Variants in PITPNM2 observed in about 807,000 individuals in gnomAD.
PITPNM2 encodes membrane-associated phosphatidylinositol transfer protein 2.
In PITPNM2, 35 loss-of-function variants were observed where a neutral mutation model predicts 132.2. The ratio of observed to expected loss-of-function variants is 0.26; its 90% CI spans 0.20 to 0.35. The LOEUF (loss-of-function observed/expected upper bound fraction) is 0.35, where lower values mean the gene tolerates loss of function less well. Ranked by LOEUF, PITPNM2 falls within the 10% of genes least tolerant of loss-of-function variation. The pLI is 1.00. For synonymous variants in PITPNM2, 738 were observed against 799.2 expected, an observed-to-expected ratio of 0.92 and a Z score of 1.29; for missense variants, 1,332 against 1,912.0, an observed-to-expected ratio of 0.70 and a Z score of 5.66.
chr12:123,131,701 C>T lies in PITPNM2; in HGVS notation c.-200+19052G>A, dbSNP rs562285134. On this transcript the variant is annotated intron_variant, in intron 1 of 25. Transcript: ENST00000320201. ...CCCTGCCAGCCAGCCACACCTTCCACTGCCCTTCCAGAGCAGCTCCTAGCC... is the reference window on the plus strand; with the variant it reads ...CCCTGCCAGCCAGCCACACCTTCCATTGCCCTTCCAGAGCAGCTCCTAGCC... 2.6e-5 allele frequency among the ~76,000 whole-genome samples: 4 copies of T among 152,348 alleles called. No individual in the cohort carries two copies. In the South Asian group the frequency reaches 8.3e-4, roughly 32 times the overall value.
chr12:123,113,289 G>C (rs2042876470), intron 1 of PITPNM2, among the ~76,000 whole-genome samples: 1 of 152,208 alleles, frequency 6.6e-6, no homozygotes, highest in African/African-American at 2.4e-5. Context: ...ACGTATGGTA[G>C]GTGGAACCAC....
chr12:123,132,496 G>A (rs1210367008), intron 1 of PITPNM2, among the ~76,000 whole-genome samples: 1 of 150,706 alleles, frequency 6.6e-6, no homozygotes, highest in East Asian at 1.9e-4. Context: ...TTTGTTTGTT[G>A]TCATTCTTTT....
chr12:122,998,975 G>T (rs905556857), intron 10 of PITPNM2, among the ~76,000 whole-genome samples: 1 of 152,164 alleles, frequency 6.6e-6, no homozygotes, highest in Non-Finnish European at 1.5e-5. Flanking sequence ...GCCAGGCATG[G>T]TTGTGCACAT....
At position 122,990,612 on chromosome 12, in the gene PITPNM2, A is replaced by G. The variant is rs1251389797; in HGVS notation, c.2502T>C (p.Ser834=). 6.2e-7 allele frequency: 1 copy of G among 1,612,160 alleles called. No homozygotes were observed. The highest frequency in any genetic ancestry group is 1.7e-5 in the Admixed American group (1 of 60,008). ...ACACCTGGCTGGCGATGCTGATCTC[A>G]CTGGCTCGGCGGAAGCCACGACTGG... ...APASRGFRRA[S]EISIASQVSG... The change falls in exon 17 of 26, where the codon AGT becomes AGC. Residue 834 remains serine, a synonymous_variant. Transcript: ENST00000320201.
chr12:123,128,264 C>CAAAAAAAAA (rs1170397011), intron 1 of PITPNM2, among the ~76,000 whole-genome samples: 4 of 22,750 alleles, frequency 1.8e-4, no homozygotes, highest in Admixed American at 5.4e-4. Context: ...CCCATCTCTA[C>CAAAAAAAAA]AAAAAAAAAA....
rs1278729197 is a variant in PITPNM2, at chr12:123,095,428, T to C, written c.-96+14957A>G. ...CACCCACATGTGTACATCTCGATTT[T>C]ACAGGCTCTGTTAAAGCGCAAAGAT... On this transcript the variant is annotated intron_variant, in intron 2 of 25. Coordinates refer to ENST00000320201, the MANE Select transcript of PITPNM2 (RefSeq NM_020845.3). This position sits in a 1 kb window ranked among gnomAD's most constrained non-coding sequence, Gnocchi z 5.0. 6.6e-6 allele frequency among the ~76,000 whole-genome samples: 1 copy of C among 152,200 alleles called. No individual in the cohort carries two copies. The highest frequency in any genetic ancestry group is 3.2e-3 in the Middle Eastern group (1 of 316).
chr12:123,103,551 G>A (rs1489295637), intron 2 of PITPNM2, among the ~76,000 whole-genome samples: 2 of 152,208 alleles, frequency 1.3e-5, no homozygotes, highest in African/African-American at 2.4e-5. Flanking sequence ...GCTGGGCTTG[G>A]CCTCTGTGGG....
At chr12:123,137,231 T>C (rs1406593579) in intron 1 of PITPNM2, among the ~76,000 whole-genome samples, 1 of 152,096 alleles carries the variant, frequency 6.6e-6, no homozygotes, top group Non-Finnish European at 1.5e-5. Flanking sequence ...CCACTATCTG[T>C]TAGGAGTCAG....
chr12:122,986,320 C>A lies in PITPNM2; in HGVS notation c.3757G>T (p.Ala1253Ser). The change falls in exon 26 of 26, where the codon GCG becomes TCG. Residue 1253 changes from alanine to serine, a missense_variant. Transcript: ENST00000320201. ...GCCCGGTGGCTGTACTTCAGCTGCG[C>A]CAGGTGGGCCGCGTAGCCATCCGTG... Reference protein sequence around the residue: ...FITDGYAAHLAQLKYSHRARP... With the variant: ...FITDGYAAHLSQLKYSHRARP... 1 of 1,581,170 alleles carries A rather than the reference C, an allele frequency of 6.3e-7. No homozygotes were observed. The highest frequency in any genetic ancestry group is 8.6e-7 in the Non-Finnish European group (1 of 1,165,668).
Position 123,111,345 on chromosome 12 carries a change from G to A in PITPNM2, c.-199-857C>T, listed in dbSNP as rs938103307. Among the ~76,000 whole-genome samples, 1 of 152,256 alleles carries A rather than the reference G, an allele frequency of 6.6e-6. No homozygotes were observed. The highest frequency in any genetic ancestry group is 1.5e-5 in the Non-Finnish European group (1 of 68,044). On this transcript the variant is annotated intron_variant, in intron 1 of 25. Coordinates refer to ENST00000320201, the MANE Select transcript of PITPNM2 (RefSeq NM_020845.3). The surrounding 1 kb of genome is among the most constrained non-coding windows in gnomAD (Gnocchi z 4.1). Reference sequence around the variant, plus strand: ...TGCTTATCTGCTGGCTATGGAAGCTGGGAGTGTTTCAGGAACTGATGCCCA... The same window carrying A: ...TGCTTATCTGCTGGCTATGGAAGCTAGGAGTGTTTCAGGAACTGATGCCCA...
At chr12:123,049,191 G>A (rs1314003484) in intron 2 of PITPNM2, among the ~76,000 whole-genome samples, 1 of 152,078 alleles carries the variant, frequency 6.6e-6, no homozygotes, top group Non-Finnish European at 1.5e-5. Flanking sequence ...TCTGACAGGA[G>A]CCACAGTGGA....
intron 2 of PITPNM2, among the ~76,000 whole-genome samples, chr12:123,059,100 A>G (rs7952760): frequency 0.043 from 6,508 of 152,292 alleles, 461 homozygotes; most frequent in African/African-American, 0.15. Context: ...GTCAGCATCT[A>G]GGCAGGGAGA....
intron 8 of PITPNM2, among the ~76,000 whole-genome samples, chr12:123,003,293 G>A (rs1202482338): frequency 6.6e-6 from 1 of 152,108 alleles, no homozygotes; most frequent in African/African-American, 2.4e-5. Context: ...CTCCAGTCCT[G>A]GATGGGCTCC....
chr12:122,988,968 A>C (rs1454959832), intron 18 of PITPNM2, 96 bp from the exon 19 acceptor site: 32 of 1,325,036 alleles, frequency 2.4e-5, no homozygotes, highest in Non-Finnish European at 2.8e-5. Context: ...AGCCCAGCAC[A>C]GTCCCCCCAC....
intron 2 of PITPNM2, among the ~76,000 whole-genome samples, chr12:123,068,303 T>TA (rs1271185490): frequency 6.6e-6 from 1 of 151,878 alleles, no homozygotes; most frequent in South Asian, 2.1e-4. Flanking sequence ...CCGTCTCTAC[T>TA]AAAAATACAA....
chr12:123,085,516 G>T (rs2042087450), intron 2 of PITPNM2, among the ~76,000 whole-genome samples: 3 of 152,250 alleles, frequency 2.0e-5, no homozygotes, highest in Non-Finnish European at 4.4e-5. Flanking sequence ...GTGAGGAAAA[G>T]GGTTGGGAGT....
Position 122,995,580 on chromosome 12 carries a change from A to ACCACCG in PITPNM2, c.1857_1862dup (p.Gly621_Gly622dup), listed in dbSNP as rs763426150. The ACCACCG allele has an allele frequency of 6.3e-7, 1 of 1,580,380 alleles. No individual in the cohort carries two copies. The highest frequency in any genetic ancestry group is 8.5e-7 in the Non-Finnish European group (1 of 1,177,550). ...TACTGCCACCACCACCACTGCTGCCACCACCGCCACCGCCGCCACCGCCAC... is the reference window on the plus strand; with the variant it reads ...TACTGCCACCACCACCACTGCTGCCACCACCGCCACCGCCACCGCCGCCACCGCCAC... On this transcript the variant is annotated inframe_insertion, in exon 14 of 26. Coordinates refer to ENST00000320201, the MANE Select transcript of PITPNM2 (RefSeq NM_020845.3).
intron 2 of PITPNM2, among the ~76,000 whole-genome samples, chr12:123,080,107 A>G (rs1478832736): frequency 6.6e-6 from 1 of 152,176 alleles, no homozygotes. Context: ...TCAGTCCTTC[A>G]TTCTCTTTTA....
At chr12:123,100,955 C>T (rs2042549745) in intron 2 of PITPNM2, among the ~76,000 whole-genome samples, 1 of 152,226 alleles carries the variant, frequency 6.6e-6, no homozygotes, top group Admixed American at 6.5e-5. Flanking sequence ...ATTCCACGTG[C>T]CCCATTCCCC....
Sources: allele counts gnomAD v4.1 joint callset (sites outside exome capture counted in the v4.1 genomes callset), GRCh38; gene constraint gnomAD v4.1.1; non-coding constraint Gnocchi (gnomAD v3.1); transcripts MANE v1.5; gene names NCBI Gene and HGNC (gene_info 2026-07-23, HGNC 2026-07-21).